ZBTB7C: variants seen among roughly 807,000 people sequenced by gnomAD.
ZBTB7C encodes zinc finger and BTB domain-containing protein 7C.
ZBTB7C carries 8 observed loss-of-function variants against 25.7 expected under a neutral mutation model. The ratio of observed to expected loss-of-function variants is 0.31; its 90% confidence interval spans 0.18 to 0.56. ZBTB7C has a LOEUF of 0.56. Among genes scored for constraint, ZBTB7C ranks in the 20% least tolerant of loss-of-function variants. The pLI, the probability that ZBTB7C is intolerant of heterozygous loss-of-function variation, is 0.91. For synonymous variants in ZBTB7C, 394 were observed against 369.0 expected, an observed-to-expected ratio of 1.07 and a Z score of -0.78; for missense variants, 824 against 855.2, an observed-to-expected ratio of 0.96 and a Z score of 0.46.
intron 2 of ZBTB7C, among the ~76,000 whole-genome samples, chr18:48,216,336 G>GA (rs1389983859): frequency 6.6e-6 from 1 of 152,170 alleles, no homozygotes; most frequent in Admixed American, 6.5e-5. Context: ...AGAGAAGCCT[G>GA]AGGGGGTAGA....
intron 3 of ZBTB7C, among the ~76,000 whole-genome samples, chr18:48,112,018 A>G (rs2039259150): frequency 6.6e-6 from 1 of 152,208 alleles, no homozygotes; most frequent in Non-Finnish European, 1.5e-5. Flanking sequence ...CCAACAAAAA[A>G]GGATACTAGT....
At chr18:48,278,228 G>C (rs1380186113) in intron 2 of ZBTB7C, among the ~76,000 whole-genome samples, 1 of 152,166 alleles carries the variant, frequency 6.6e-6, no homozygotes, top group Non-Finnish European at 1.5e-5. Context: ...TTCTGCTACA[G>C]AGAGAAGCCA....
At chr18:48,135,348 AG>A (rs2040116894) in intron 3 of ZBTB7C, among the ~76,000 whole-genome samples, 1 of 152,210 alleles carries the variant, frequency 6.6e-6, no homozygotes, top group South Asian at 2.1e-4. Flanking sequence ...AATTATACCA[AG>A]GCGATTCCTG....
chr18:48,296,090 C>A (rs529718950), intron 2 of ZBTB7C, among the ~76,000 whole-genome samples: 1 of 152,352 alleles, frequency 6.6e-6, no homozygotes, highest in Admixed American at 6.5e-5. Flanking sequence ...GCACCTCCCC[C>A]TGAAGATGGC....
At chr18:48,183,873 C>T (rs2145119207) in intron 3 of ZBTB7C, among the ~76,000 whole-genome samples, 1 of 152,274 alleles carries the variant, frequency 6.6e-6, no homozygotes, top group East Asian at 1.9e-4. Context: ...TGGACCAGAC[C>T]CAGGGAGACC....
intron 2 of ZBTB7C, among the ~76,000 whole-genome samples, chr18:48,240,310 C>T (rs1304248868): frequency 6.6e-6 from 1 of 152,088 alleles, no homozygotes; most frequent in Non-Finnish European, 1.5e-5. Flanking sequence ...GTAAAACATT[C>T]CTGGCCTTGC....
At chr18:48,180,947 A>G (rs1458076859) in intron 3 of ZBTB7C, among the ~76,000 whole-genome samples, 4 of 152,234 alleles carry the variant, frequency 2.6e-5, no homozygotes, top group East Asian at 1.9e-4. Context: ...TCAGATTCCA[A>G]TTCTAGCACT....
intron 3 of ZBTB7C, among the ~76,000 whole-genome samples, chr18:48,169,597 T>C (rs1052180022): frequency 2.0e-5 from 3 of 152,204 alleles, no homozygotes; most frequent in African/African-American, 7.2e-5. Context: ...GACCCATTAA[T>C]ACCTGGCAAG....
intron 3 of ZBTB7C, among the ~76,000 whole-genome samples, chr18:48,105,864 G>A (rs1356169815): frequency 6.6e-6 from 1 of 152,174 alleles, no homozygotes; most frequent in Non-Finnish European, 1.5e-5. Context: ...ACCATTGCCT[G>A]ACATCTTGTG....
chr18:48,052,130 C>T (rs571921002), intron 3 of ZBTB7C, among the ~76,000 whole-genome samples: 3 of 152,134 alleles, frequency 2.0e-5, no homozygotes, highest in African/African-American at 4.8e-5. Context: ...CTAGGCCACG[C>T]GTTACTGAGT....
intron 3 of ZBTB7C, among the ~76,000 whole-genome samples, chr18:48,107,218 G>T (rs4075918): frequency 6.6e-6 from 1 of 151,522 alleles, no homozygotes; most frequent in East Asian, 2.0e-4. Flanking sequence ...GATTGAGAAG[G>T]AGGGGAGAAG....
chr18:48,061,331 G>T (rs2037118453), intron 3 of ZBTB7C, among the ~76,000 whole-genome samples: 1 of 152,302 alleles, frequency 6.6e-6, no homozygotes, highest in Non-Finnish European at 1.5e-5. Flanking sequence ...AAGACTCATT[G>T]TGGTCTGTGC....
intron 2 of ZBTB7C, among the ~76,000 whole-genome samples, chr18:48,289,363 C>A (rs999092243): frequency 1.3e-5 from 2 of 152,034 alleles, no homozygotes; most frequent in African/African-American, 4.8e-5. Flanking sequence ...AAATGCCCAT[C>A]AGCAAGAGAA....
At position 48,408,097 on chromosome 18, in the gene ZBTB7C, C is replaced by A. The variant is rs867961147; in HGVS notation, c.-304+1129G>T. 3.3e-5 allele frequency among the ~76,000 whole-genome samples: 5 copies of A among 152,360 alleles called. 1 individual carries two copies. The South Asian group carries it at 1.0e-3, about 32-fold the overall frequency. On this transcript the variant is annotated intron_variant, in intron 1 of 4. Transcript: ENST00000590800. ...ACCAGAAACTCCGGCTCTAGCCTTG[C>A]GCATGGTCCAGCGAGACTTCCCATA... is the stretch of plus-strand genomic sequence containing the variant.
intron 2 of ZBTB7C, among the ~76,000 whole-genome samples, chr18:48,291,680 T>A (rs2045233706): frequency 6.6e-6 from 1 of 152,180 alleles, no homozygotes; most frequent in Non-Finnish European, 1.5e-5. Context: ...ATTGCACCAA[T>A]CTATAGCCAC....
At chr18:48,345,042 T>C (rs1243426051) in intron 1 of ZBTB7C, among the ~76,000 whole-genome samples, 2 of 152,218 alleles carry the variant, frequency 1.3e-5, no homozygotes, top group Non-Finnish European at 2.9e-5. Context: ...AAATGGTGCA[T>C]TAAATCTTCT....
intron 3 of ZBTB7C, among the ~76,000 whole-genome samples, chr18:48,162,142 G>T (rs1344527695): frequency 6.6e-6 from 1 of 152,214 alleles, no homozygotes; most frequent in Admixed American, 6.5e-5. Context: ...GCCAGACCCG[G>T]CTGTAGTTAT....
chr18:48,095,532 T>C (rs902671404), intron 3 of ZBTB7C, among the ~76,000 whole-genome samples: 23 of 152,148 alleles, frequency 1.5e-4, no homozygotes, highest in African/African-American at 5.3e-4. Context: ...GTCAACATGG[T>C]GAAACCTCAT....
At chr18:48,397,658 C>T (rs981848477) in intron 1 of ZBTB7C, among the ~76,000 whole-genome samples, 1 of 152,204 alleles carries the variant, frequency 6.6e-6, no homozygotes, top group African/African-American at 2.4e-5. Context: ...CAGCTCCCTT[C>T]GCCAAGTTCA....
Sources: allele counts gnomAD v4.1 joint callset (sites outside exome capture counted in the v4.1 genomes callset), GRCh38; gene constraint gnomAD v4.1.1; transcripts MANE v1.5; gene names NCBI Gene and HGNC (gene_info 2026-07-23, HGNC 2026-07-21).